Variants in RASGRP3 observed in about 807,000 individuals in gnomAD.
The protein encoded by RASGRP3 is RAS guanyl releasing protein 3.
RASGRP3 carries 54 observed loss-of-function variants against 82.7 expected under a neutral mutation model. The observed-to-expected ratio is 0.65, with a 90% confidence interval of 0.52 to 0.82. RASGRP3 has a LOEUF of 0.82. RASGRP3 is among the 40% of genes least tolerant of loss of function. RASGRP3 has a pLI of 0.00. For missense variants in RASGRP3, 861 were observed against 828.9 expected, an observed-to-expected ratio of 1.04 and a Z score of -0.48; for synonymous variants, 309 against 300.5, an observed-to-expected ratio of 1.03 and a Z score of -0.29.
intron 2 of RASGRP3, among the ~76,000 whole-genome samples, chr2:33,513,591 A>G (rs1383545607): frequency 6.6e-6 from 1 of 152,246 alleles, no homozygotes; most frequent in Non-Finnish European, 1.5e-5. Flanking sequence ...GCATTTACCT[A>G]CTAAAATGTC....
rs530076514 is a variant in RASGRP3, at chr2:33,478,152, A to G, written c.-261+1445A>G. Reference sequence around the variant, plus strand: ...TGGGTCTTGAGTACCGCACCAACCAATGTTCTCTGATGGAAGCAGTTTCGG... The same window carrying G: ...TGGGTCTTGAGTACCGCACCAACCAGTGTTCTCTGATGGAAGCAGTTTCGG... On this transcript the variant is annotated intron_variant, in intron 1 of 17. Coordinates refer to ENST00000403687, the MANE Select transcript of RASGRP3 (RefSeq NM_001139488.2). 2.5e-4 allele frequency among the ~76,000 whole-genome samples: 38 copies of G among 152,134 alleles called. 1 individual carries two copies. Among genetic ancestry groups the G allele is most frequent in the Admixed American group, 5.9e-4 (9 of 15,274 alleles).
chr2:33,459,675 G>T (rs1314588516), intron 2 of RASGRP3, among the ~76,000 whole-genome samples: 2 of 148,734 alleles, frequency 1.3e-5, no homozygotes, highest in Admixed American at 6.6e-5. Context: ...AGGGGACAAG[G>T]AGGGCTTCAG....
intron 17 of RASGRP3, among the ~76,000 whole-genome samples, chr2:33,560,828 C>G (rs1057215118): frequency 2.0e-5 from 3 of 152,190 alleles, no homozygotes; most frequent in Non-Finnish European, 4.4e-5. Context: ...GCCATGAGCT[C>G]ATTACTATTG....
intron 1 of RASGRP3, among the ~76,000 whole-genome samples, chr2:33,477,270 C>T (rs560068957): frequency 1.5e-4 from 23 of 152,278 alleles, no homozygotes; most frequent in African/African-American, 5.5e-4. Flanking sequence ...TATTTAGATT[C>T]ACATTAGAAA....
chr2:33,547,823 G>C (rs934374259), intron 13 of RASGRP3, among the ~76,000 whole-genome samples: 2 of 152,106 alleles, frequency 1.3e-5, no homozygotes, highest in African/African-American at 4.8e-5. Context: ...AGGTGAGCTG[G>C]AGAAGGGGGA....
chr2:33,475,129 C>T (rs148927142), upstream of RASGRP3, among the ~76,000 whole-genome samples: 1 of 152,172 alleles, frequency 6.6e-6, no homozygotes, highest in Non-Finnish European at 1.5e-5. Flanking sequence ...AACAAAAATG[C>T]CTGTGAGGGA....
At chr2:33,534,160 T>C (rs1023638384) in intron 10 of RASGRP3, 163 bp from the exon 11 acceptor site, 3 of 606,304 alleles carry the variant, frequency 4.9e-6, no homozygotes, top group Non-Finnish European at 8.7e-6. Context: ...TTTTCTCTTT[T>C]AAATTTCATT....
At position 33,562,949 on chromosome 2, in the gene RASGRP3, T is replaced by G; in HGVS notation, c.*212T>G. On this transcript the variant is annotated 3_prime_UTR_variant, in exon 18 of 18. Transcript: ENST00000403687. ...ATGAACTATTTATTTCCTCCTCCCCTACCCCTAGTTAAGTGCCACAAAGAC... is the reference window on the plus strand; with the variant it reads ...ATGAACTATTTATTTCCTCCTCCCCGACCCCTAGTTAAGTGCCACAAAGAC... 1 of 636,322 alleles carries G rather than the reference T, an allele frequency of 1.6e-6. No individual in the cohort carries two copies. The highest frequency in any genetic ancestry group is 2.7e-6 in the Non-Finnish European group (1 of 371,680). The allele number at this position is 636,322 out of a possible 1,614,324, so 39.4% of individuals were successfully genotyped here. A position where few individuals can be genotyped will look rare whatever the true frequency, so the allele number is the denominator to read the frequency against.
At chr2:33,520,269 T>C (rs2305575) in intron 5 of RASGRP3, among the ~76,000 whole-genome samples, 125,301 of 152,114 alleles carry the variant, frequency 0.82, 51,935 homozygotes, top group African/African-American at 0.91. Context: ...TTTTCTTCTA[T>C]TCCCTCACCA....
intron 2 of RASGRP3, among the ~76,000 whole-genome samples, chr2:33,466,723 C>T (rs562687450): frequency 2.5e-4 from 38 of 150,842 alleles, no homozygotes; most frequent in African/African-American, 9.0e-4. Context: ...ACTGCAGATG[C>T]AGGGGAAACA....
At chr2:33,508,665 G>A (rs1244533054) in intron 1 of RASGRP3, among the ~76,000 whole-genome samples, 1 of 152,164 alleles carries the variant, frequency 6.6e-6, no homozygotes, top group African/African-American at 2.4e-5. Context: ...TTATCGAGAG[G>A]AGAAAATGTA....
intron 1 of RASGRP3, among the ~76,000 whole-genome samples, chr2:33,493,471 A>G (rs1383371145): frequency 6.6e-6 from 1 of 152,224 alleles, no homozygotes; most frequent in Admixed American, 6.5e-5. Context: ...AAGAGAAGCC[A>G]AGGTTTGAGT....
chr2:33,478,598 C>A (rs561277910), intron 1 of RASGRP3, among the ~76,000 whole-genome samples: 3 of 152,104 alleles, frequency 2.0e-5, no homozygotes, highest in Non-Finnish European at 2.9e-5. Context: ...AAAACCCATG[C>A]CTTTTCAAAA....
chr2:33,555,631 T>C, intron 15 of RASGRP3, 64 bp downstream of exon 15: 1 of 1,388,908 alleles, frequency 7.2e-7, no homozygotes, highest in Non-Finnish European at 1.0e-6. Flanking sequence ...ATCAAATTTG[T>C]CTGGTTAAAC....
chr2:33,450,300 A>G (rs1331481658), intron 2 of RASGRP3, among the ~76,000 whole-genome samples: 1 of 152,170 alleles, frequency 6.6e-6, no homozygotes, highest in Non-Finnish European at 1.5e-5. Flanking sequence ...TACAATATTA[A>G]CTGTAGTCAT....
At chr2:33,442,387 G>T (rs1284056795) in intron 1 of RASGRP3, among the ~76,000 whole-genome samples, 3 of 152,150 alleles carry the variant, frequency 2.0e-5, no homozygotes, top group Non-Finnish European at 4.4e-5. Flanking sequence ...TGGTTGGTGG[G>T]ATAATGGTGA....
chr2:33,518,347 A>G (rs766374150), intron 4 of RASGRP3, among the ~76,000 whole-genome samples: 27 of 152,212 alleles, frequency 1.8e-4, no homozygotes, highest in Non-Finnish European at 2.8e-4. Flanking sequence ...AAAATATGGT[A>G]TAAAAGATAA....
At position 33,564,248 on chromosome 2, in the gene RASGRP3, G is replaced by GTGAT. The variant is rs1254935538; in HGVS notation, c.*1513_*1516dup. ...TGGGCATTAAGGCAAAGTAGTTCCA[G>GTGAT]TGATTTAAAATACGGTTCCAAATAC... On this transcript the variant is annotated 3_prime_UTR_variant, in exon 18 of 18. Transcript: ENST00000403687. 1 of 152,170 alleles carries GTGAT rather than the reference G, an allele frequency of 6.6e-6. No homozygotes were observed. The highest frequency in any genetic ancestry group is 1.5e-5 in the Non-Finnish European group (1 of 68,040). The allele number at this position is 152,170 out of a possible 1,614,324, so 9.4% of individuals were successfully genotyped here.
intron 2 of RASGRP3, among the ~76,000 whole-genome samples, chr2:33,458,446 T>C (rs1006167545): frequency 2.0e-5 from 3 of 152,212 alleles, no homozygotes; most frequent in Non-Finnish European, 4.4e-5. Flanking sequence ...GGAATATATA[T>C]GCTATTAAAA....
Sources: allele counts gnomAD v4.1 joint callset (sites outside exome capture counted in the v4.1 genomes callset), GRCh38; gene constraint gnomAD v4.1.1; transcripts MANE v1.5; gene names NCBI Gene and HGNC (gene_info 2026-07-23, HGNC 2026-07-21).